Variants in RNF213 observed in about 807,000 individuals in gnomAD.
The protein encoded by RNF213 is E3 ubiquitin-protein ligase RNF213.
In RNF213, 341 loss-of-function variants were observed where a neutral mutation model predicts 514.4. The ratio of observed to expected loss-of-function variants is 0.66; its 90% CI spans 0.61 to 0.73. RNF213 has a LOEUF of 0.73. RNF213 is among the 30% of genes least tolerant of loss of function. RNF213 has a pLI of 0.00. For synonymous variants in RNF213, 2,655 were observed against 2,658.2 expected, an observed-to-expected ratio of 1.00 and a Z score of 0.04; for missense variants, 5,767 against 6,615.6, an observed-to-expected ratio of 0.87 and a Z score of 4.45.
chr17:80,336,919 GA>G (rs2078002712), intron 23 of RNF213: 1 of 198,398 alleles, frequency 5.0e-6, no homozygotes, highest in Non-Finnish European at 1.0e-5. Flanking sequence ...GAAAAGAAAA[GA>G]AAAAAGTAAA....
chr17:80,327,503 G>A (rs1342261595), intron 18 of RNF213, among the ~76,000 whole-genome samples: 1 of 151,824 alleles, frequency 6.6e-6, no homozygotes, highest in Non-Finnish European at 1.5e-5. Context: ...AAGGAAGTCA[G>A]TCCATCCGTA....
Position 80,398,725 on chromosome 17 carries a change from GAA to G in RNF213, c.*5229_*5230del, listed in dbSNP as rs1491435666. ...AAAGAGGGAGTCAGAGAGAGAGAGA[GAA>G]AGAGACAGAGGCAAAAGGAAAGTCA... On this transcript the variant is annotated 3_prime_UTR_variant, in exon 68 of 68. Transcript: ENST00000582970. 11 of 150,980 alleles carry G rather than the reference GAA, an allele frequency of 7.3e-5. No individual in the cohort carries two copies. The highest frequency in any genetic ancestry group is 1.5e-4 in the African/African-American group (6 of 41,010). 9.4% of individuals were successfully genotyped at this position (150,980 alleles called of 1,614,324 possible). A position where few individuals can be genotyped will look rare whatever the true frequency, so the allele number is the denominator to read the frequency against.
chr17:80,284,053 T>G (rs1384867214), intron 3 of RNF213, among the ~76,000 whole-genome samples: 1 of 151,902 alleles, frequency 6.6e-6, no homozygotes, highest in Non-Finnish European at 1.5e-5. Flanking sequence ...TGAAACCCCA[T>G]CTGTACTAAA....
At chr17:80,383,218 C>A in intron 58 of RNF213, 148 bp downstream of exon 58, 2 of 687,300 alleles carry the variant, frequency 2.9e-6, no homozygotes, top group South Asian at 3.1e-5. Context: ...CTCCCCACCT[C>A]GAGTCACTCC....
intron 54 of RNF213, chr17:80,379,418 T>C (rs1056775298): frequency 1.8e-5 from 11 of 614,214 alleles, no homozygotes; most frequent in Non-Finnish European, 3.3e-5. Flanking sequence ...TAAAAAACAG[T>C]TCCAGTTTGC....
At position 80,289,602 on chromosome 17, in the gene RNF213, A is replaced by G. The variant is rs1299977157; in HGVS notation, c.934-57A>G. The G allele has an allele frequency of 1.9e-6, 3 of 1,578,064 alleles. No individual in the cohort carries two copies. The African/African-American group carries it at 4.1e-5, about 22-fold the overall frequency. On this transcript the variant is annotated intron_variant, in intron 5 of 67. Transcript: ENST00000582970. ...CGAGACTCTGTCTCAGAAAAAAAAA[A>G]AAAAAAGAAAATGTGGAGGCCGGCC...
intron 56 of RNF213, 176 bp from the exon 57 acceptor site, chr17:80,381,371 C>A: frequency 2.8e-6 from 2 of 708,052 alleles, no homozygotes; most frequent in South Asian, 1.5e-5. Flanking sequence ...AACAGAAAAG[C>A]CAGCAGCCGT....
At chr17:80,351,573 A>G (rs1026626404) in intron 31 of RNF213, 112 bp from the exon 32 acceptor site, 4 of 676,708 alleles carry the variant, frequency 5.9e-6, no homozygotes, top group African/African-American at 5.5e-5. Flanking sequence ...GACCGAACCA[A>G]CAGCTCGGAG....
chr17:80,343,974 G>C lies in RNF213; in HGVS notation c.6301G>C (p.Glu2101Gln). 6.2e-7 allele frequency: 1 copy of C among 1,614,216 alleles called. No individual in the cohort carries two copies. Among genetic ancestry groups the C allele is most frequent in the Non-Finnish European group, 8.5e-7 (1 of 1,180,040 alleles). The part of the protein sequence containing the change: ...PCHLYIVEIL[E>Q]RRTSVPSRSS... ...CCATTTGTATATCGTTGAAATCCTGGAAAGGAGGACGTCAGTGCCGTCGAG... is the reference window on the plus strand; with the variant it reads ...CCATTTGTATATCGTTGAAATCCTGCAAAGGAGGACGTCAGTGCCGTCGAG... Residue 2101 changes from glutamate to glutamine, a missense_variant, in exon 28 of 68, where the codon GAA becomes CAA. Glu to Gln is a conservative substitution (Grantham distance 29). Around this residue, in one of 13 missense-constraint regions of RNF213, gnomAD observed 1,377 missense variants for 1,635.2 expected, o/e 0.84. Transcript: ENST00000582970. This position sits in a 1 kb window ranked among gnomAD's most constrained non-coding sequence, Gnocchi z 4.3.
chr17:80,319,672 G>A, intron 17 of RNF213: 3 of 1,453,640 alleles, frequency 2.1e-6, no homozygotes, highest in Non-Finnish European at 2.7e-6. Context: ...TAGGTGTGCG[G>A]GAAGAGACTC....
intron 5 of RNF213, among the ~76,000 whole-genome samples, chr17:80,289,171 A>G (rs2044588058): frequency 6.6e-6 from 1 of 152,148 alleles, no homozygotes; most frequent in South Asian, 2.1e-4. Flanking sequence ...AGAGGCCACC[A>G]ATGAGGCTGG....
chr17:80,393,430 C>T lies in RNF213; in HGVS notation c.15556C>T (p.Leu5186=). The T allele has an allele frequency of 3.1e-6, 5 of 1,614,196 alleles. No individual in the cohort carries two copies. The highest frequency in any genetic ancestry group is 2.2e-5 in the East Asian group (1 of 44,894). ...EMASQFPEEI[L]LASCVSVWKT... The stretch of plus-strand genomic sequence containing the variant: ...GGCATCTCAGTTCCCAGAAGAGATA[C>T]TGCTCGCCAGCTGTGTCTCAGTGTG... Residue 5186 remains leucine (L), a synonymous_variant, in exon 68 of 68, where the codon CTG becomes TTG. Transcript: ENST00000582970.
intron 20 of RNF213, 65 bp from the exon 21 acceptor site, chr17:80,331,941 A>T: frequency 6.7e-7 from 1 of 1,487,080 alleles, no homozygotes. Context: ...AGTCTTAGGA[A>T]AGTGAAATAA....
At chr17:80,292,773 G>C in intron 8 of RNF213, among the ~76,000 whole-genome samples, 1 of 152,116 alleles carries the variant, frequency 6.6e-6, no homozygotes, top group Non-Finnish European at 1.5e-5. Context: ...TCCTCACCTG[G>C]GGGGTCCTGG....
intron 10 of RNF213, among the ~76,000 whole-genome samples, chr17:80,296,726 C>T (rs574138617): frequency 5.9e-5 from 9 of 152,308 alleles, no homozygotes; most frequent in African/African-American, 1.9e-4. Flanking sequence ...TCTGTTCCCC[C>T]AGTCTGGAGT....
At chr17:80,352,867 A>C in intron 32 of RNF213, 73 bp from the exon 33 acceptor site, 1 of 1,607,070 alleles carries the variant, frequency 6.2e-7, no homozygotes, top group Non-Finnish European at 8.5e-7. Flanking sequence ...AGGGTGTGCA[A>C]TGTCCCTGCT....
chr17:80,343,332 G>C lies in RNF213; in HGVS notation c.6183+7G>C. The C allele has an allele frequency of 1.2e-6, 2 of 1,609,928 alleles. No homozygotes were observed. The highest frequency in any genetic ancestry group is 1.7e-6 in the Non-Finnish European group (2 of 1,178,770). ...CCTGGACGTGACCTCCTCAGTAAGT[G>C]CCCTCCAGCGTCAGCCGATGGCCAC... is the stretch of plus-strand genomic sequence containing the variant. On this transcript the variant is annotated splice_region_variant and intron_variant, in intron 27 of 67. Coordinates refer to ENST00000582970, the MANE Select transcript of RNF213 (RefSeq NM_001256071.3). The surrounding 1 kb of genome is among the most constrained non-coding windows in gnomAD (Gnocchi z 4.3).
intron 2 of RNF213, among the ~76,000 whole-genome samples, chr17:80,270,143 C>T (rs764488270): frequency 6.6e-6 from 1 of 152,230 alleles, no homozygotes; most frequent in East Asian, 1.9e-4. Flanking sequence ...AGTGGCAGCT[C>T]GTGCCCTGCG....
At chr17:80,297,139 C>A (rs1187831428) in intron 10 of RNF213, among the ~76,000 whole-genome samples, 1 of 151,950 alleles carries the variant, frequency 6.6e-6, no homozygotes, top group Non-Finnish European at 1.5e-5. Context: ...TGTTTATAGG[C>A]TCAACCCTTA....
Sources: allele counts gnomAD v4.1 joint callset (sites outside exome capture counted in the v4.1 genomes callset), GRCh38; gene constraint gnomAD v4.1.1; regional missense constraint gnomAD v4.1.1; non-coding constraint Gnocchi (gnomAD v3.1); transcripts MANE v1.5; gene names NCBI Gene and HGNC (gene_info 2026-07-23, HGNC 2026-07-21).